Variants in SLC9A1 observed in about 807,000 individuals in gnomAD.
SLC9A1 encodes the protein solute carrier family 9 member A1, also known as sodium/hydrogen exchanger 1.
SLC9A1 carries 22 observed loss-of-function variants against 67.9 expected under a neutral mutation model. The observed-to-expected ratio is 0.32, with a 90% CI of 0.23 to 0.46. The LOEUF is 0.46. SLC9A1 is among the 20% of genes least tolerant of loss of function. The pLI, the probability that SLC9A1 is intolerant of heterozygous loss-of-function variation, is 1.00. For missense variants in SLC9A1, 686 were observed against 1,094.8 expected (o/e 0.63, Z 5.27); for synonymous variants, 421 against 471.8 (o/e 0.89, Z 1.40).
intron 1 of SLC9A1, among the ~76,000 whole-genome samples, chr1:27,123,506 G>A (rs2083319035): frequency 6.6e-6 from 1 of 151,482 alleles, no homozygotes. Flanking sequence ...TATTTTTATT[G>A]GGCTTTTTTT....
intron 1 of SLC9A1, among the ~76,000 whole-genome samples, chr1:27,131,948 AT>A (rs745546705): frequency 0.56 from 51,078 of 90,808 alleles, 14,576 homozygotes; most frequent in East Asian, 0.78. Context: ...GAAAAAAAAA[AT>A]ATATATATAT....
At chr1:27,103,543 C>T in intron 5 of SLC9A1, 1 of 561,450 alleles carries the variant, frequency 1.8e-6, no homozygotes. Flanking sequence ...TGCCAAATGA[C>T]CCCCACACTG....
intron 1 of SLC9A1, among the ~76,000 whole-genome samples, chr1:27,135,871 C>T (rs1312932990): frequency 6.6e-6 from 1 of 152,210 alleles, no homozygotes; most frequent in Non-Finnish European, 1.5e-5. Context: ...CCTATGATTC[C>T]ATTCAGATGA....
At position 27,109,453 on chromosome 1, in the gene SLC9A1, G is replaced by A. The variant is rs117039899; in HGVS notation, c.1064+74C>T. 1,061 of 1,523,004 alleles carry A rather than the reference G, an allele frequency of 7.0e-4. 16 individuals are homozygous for A. The East Asian group carries it at 0.02, about 28-fold the overall frequency. The allele number at this position is 1,523,004 out of a possible 1,614,324, so 94.3% of individuals were successfully genotyped here. ...GGCCCTGGGAGCTCCGTGAACCTAC[G>A]AGCCTGGGGAATCCAAGCTGGCAGC... On this transcript the variant is annotated intron_variant, in intron 3 of 11. Transcript: ENST00000263980. The surrounding 1 kb of genome is among the most constrained non-coding windows in gnomAD (Gnocchi z 5.5).
intron 1 of SLC9A1, among the ~76,000 whole-genome samples, chr1:27,124,415 T>C: frequency 6.6e-6 from 1 of 152,212 alleles, no homozygotes; most frequent in Non-Finnish European, 1.5e-5. Flanking sequence ...GTTAAATTCA[T>C]TATATATAAC....
intron 1 of SLC9A1, among the ~76,000 whole-genome samples, chr1:27,142,248 G>T (rs1352850696): frequency 6.6e-6 from 1 of 152,222 alleles, no homozygotes; most frequent in Non-Finnish European, 1.5e-5. Flanking sequence ...AGTTAACAGA[G>T]CAGGGAAGAA....
intron 2 of SLC9A1, among the ~76,000 whole-genome samples, chr1:27,111,831 G>A (rs915424000): frequency 9.2e-5 from 14 of 152,052 alleles, no homozygotes; most frequent in Admixed American, 3.3e-4. Context: ...AAATAAAAAT[G>A]AGGCAATACA....
chr1:27,153,068 A>C (rs1469072095), intron 1 of SLC9A1, among the ~76,000 whole-genome samples: 1 of 152,198 alleles, frequency 6.6e-6, no homozygotes, highest in Non-Finnish European at 1.5e-5. Flanking sequence ...CAGGCCTAGC[A>C]GGGAGACCAA....
At chr1:27,147,360 C>T (rs558138936) in intron 1 of SLC9A1, among the ~76,000 whole-genome samples, 36 of 143,838 alleles carry the variant, frequency 2.5e-4, no homozygotes, top group South Asian at 8.9e-4. Flanking sequence ...GGGGTGGTGG[C>T]GCATGCCTGT....
chr1:27,108,623 C>G (rs946299409), intron 3 of SLC9A1, among the ~76,000 whole-genome samples: 1 of 152,066 alleles, frequency 6.6e-6, no homozygotes, highest in Non-Finnish European at 1.5e-5. Flanking sequence ...GAGCTGAGAT[C>G]GTGCCACTGC....
At chr1:27,127,746 C>T (rs546582553) in intron 1 of SLC9A1, among the ~76,000 whole-genome samples, 1 of 152,212 alleles carries the variant, frequency 6.6e-6, no homozygotes, top group African/African-American at 2.4e-5. Flanking sequence ...GTCTCAGCTC[C>T]AGGGACAGCT....
intron 1 of SLC9A1, among the ~76,000 whole-genome samples, chr1:27,125,589 A>C (rs2083337682): frequency 6.7e-6 from 1 of 148,610 alleles, no homozygotes; most frequent in Non-Finnish European, 1.5e-5. Flanking sequence ...ACACCAGCCA[A>C]GAGTGAAGCT....
chr1:27,153,954 G>T, intron 1 of SLC9A1, 29 bp downstream of exon 1: 1 of 1,450,050 alleles, frequency 6.9e-7, no homozygotes, highest in Non-Finnish European at 9.4e-7. Flanking sequence ...TCTGGTGGCG[G>T]CCGCAGCATC....
At position 27,128,432 on chromosome 1, in the gene SLC9A1, G is replaced by A. The variant is rs2083360608; in HGVS notation, c.353-14146C>T. On this transcript the variant is annotated intron_variant, in intron 1 of 11. Coordinates refer to ENST00000263980, the MANE Select transcript of SLC9A1 (RefSeq NM_003047.5). ...GCAGCGGGGGAGGCCGAGGCGAGAG[G>A]ATCACTTGAGCCCAGGAGTTTGAGA... Among the ~76,000 whole-genome samples the A allele has an allele frequency of 2.0e-5, 3 of 152,152 alleles. No homozygotes were observed. The South Asian group carries it at 6.2e-4, about 32-fold the overall frequency.
At position 27,113,931 on chromosome 1, in the gene SLC9A1, G is replaced by A. The variant is rs768948516; in HGVS notation, c.708C>T (p.Ala236=). 20 of 1,614,220 alleles carry A rather than the reference G, an allele frequency of 1.2e-5. No individual in the cohort carries two copies. In the Middle Eastern group the frequency reaches 1.5e-3, roughly 120 times the overall value. ...DNLLFGSIIS[A]VDPVAVLAVF... ...CAGCCAGAACCGCCACGGGGTCCAC[G>A]GCCGAGATGATGCTGCCGAAGAGCA... is the stretch of plus-strand genomic sequence containing the variant. Residue 236 remains alanine (A), a synonymous_variant, in exon 2 of 12, where the codon GCC becomes GCT. Coordinates refer to ENST00000263980, the MANE Select transcript of SLC9A1 (RefSeq NM_003047.5).
intron 5 of SLC9A1, 91 bp downstream of exon 5, chr1:27,105,794 C>T (rs1453516007): frequency 1.2e-5 from 13 of 1,128,964 alleles, no homozygotes; most frequent in Non-Finnish European, 1.7e-5. Context: ...GGACTAGAAT[C>T]GCATTTCAAA....
At chr1:27,128,761 C>A (rs1260089092) in intron 1 of SLC9A1, among the ~76,000 whole-genome samples, 6 of 151,840 alleles carry the variant, frequency 4.0e-5, no homozygotes. Context: ...AGTTTGAGAC[C>A]AGCCTGGCCA....
Position 27,154,290 on chromosome 1 carries a change from G to A in SLC9A1, c.45C>T (p.Ile15=). The part of the protein sequence containing the change: ...SGICGLSPHR[I]FPSLLVVVAL... Reference sequence around the variant, plus strand: ...CAACCACCACGAGTAAGGAAGGGAAGATCCGATGTGGAGAGAGGCCACAGA... The same window carrying A: ...CAACCACCACGAGTAAGGAAGGGAAAATCCGATGTGGAGAGAGGCCACAGA... Residue 15 remains isoleucine, a synonymous_variant, in exon 1 of 12, where the codon ATC becomes ATT. Transcript: ENST00000263980. The A allele has an allele frequency of 6.2e-7, 1 of 1,611,058 alleles. No homozygotes were observed. Among genetic ancestry groups the A allele is most frequent in the African/African-American group, 1.3e-5 (1 of 75,018 alleles).
At position 27,151,249 on chromosome 1, in the gene SLC9A1, C is replaced by T. The variant is rs193259394; in HGVS notation, c.352+2734G>A. On this transcript the variant is annotated intron_variant, in intron 1 of 11. Transcript: ENST00000263980. ...GTGGTTAAAATATTAACAGGGGCAG[C>T]TGTCACTCATTGAACACTTCCTGTG... Among the ~76,000 whole-genome samples the T allele has an allele frequency of 4.4e-3, 670 of 152,336 alleles. 2 individuals carry two copies. The highest frequency in any genetic ancestry group is 7.5e-3 in the Non-Finnish European group (512 of 68,026).
Sources: allele counts gnomAD v4.1 joint callset (sites outside exome capture counted in the v4.1 genomes callset), GRCh38; gene constraint gnomAD v4.1.1; non-coding constraint Gnocchi (gnomAD v3.1); transcripts MANE v1.5; gene names NCBI Gene and HGNC (gene_info 2026-07-23, HGNC 2026-07-21).